The following NFIA variants were observed in gnomAD, a reference collection of about 807,000 sequenced individuals.
NFIA encodes nuclear factor 1 A-type.
NFIA carries 8 observed loss-of-function variants against 62.8 expected under a neutral mutation model. The observed-to-expected ratio is 0.13, with a 90% CI of 0.07 to 0.23. The LOEUF (loss-of-function observed/expected upper bound fraction) is 0.23. Among genes scored for constraint, NFIA ranks in the 10% least tolerant of loss-of-function variants. The pLI is 1.00. For missense variants in NFIA, 410 were observed against 642.1 expected (o/e 0.64, Z 3.91); for synonymous variants, 235 against 238.1 (o/e 0.99, Z 0.12).
rs147465845 is a variant in NFIA, at chr1:61,315,174, C to T, written c.626-17338C>T. Among the ~76,000 whole-genome samples, 501 of 152,284 alleles carry T rather than the reference C, an allele frequency of 3.3e-3. 3 individuals carry two copies. The highest frequency in any genetic ancestry group is 4.9e-3 in the Non-Finnish European group (335 of 68,026). ...AGAGAGCAGAATGCTATTGGCTTCA[C>T]CAGCTGTGGCCAGAAGGGCTCCATG... is the stretch of plus-strand genomic sequence containing the variant. On this transcript the variant is annotated intron_variant, in intron 3 of 10. Transcript: ENST00000403491.
upstream of NFIA, among the ~76,000 whole-genome samples, chr1:61,081,289 G>T (rs1264383218): frequency 6.6e-6 from 1 of 151,438 alleles, no homozygotes; most frequent in Non-Finnish European, 1.5e-5. Flanking sequence ...AGGCTTACTG[G>T]CAACTTGCCA....
At chr1:61,324,722 A>T (rs774336184) in intron 3 of NFIA, among the ~76,000 whole-genome samples, 4 of 152,192 alleles carry the variant, frequency 2.6e-5, no homozygotes, top group Non-Finnish European at 4.4e-5. Flanking sequence ...AGGCGGATAG[A>T]TGTTCAGTTC....
At chr1:61,204,110 A>G (rs1288109219) in intron 2 of NFIA, among the ~76,000 whole-genome samples, 2 of 152,202 alleles carry the variant, frequency 1.3e-5, no homozygotes, top group African/African-American at 4.8e-5. Context: ...GAAATGGTGA[A>G]CTGGACGGGG....
At chr1:61,292,214 A>G (rs1658931042) in intron 3 of NFIA, among the ~76,000 whole-genome samples, 1 of 152,172 alleles carries the variant, frequency 6.6e-6, no homozygotes, top group East Asian at 1.9e-4. Flanking sequence ...TTCTTTGGAC[A>G]CCGCAAATTT....
chr1:61,309,479 A>AAAC (rs557005640), intron 3 of NFIA, among the ~76,000 whole-genome samples: 7,945 of 117,748 alleles, frequency 0.067, 225 homozygotes, highest in African/African-American at 0.12. Context: ...ACAGTGAGAA[A>AAAC]AACAACAACA....
At chr1:61,254,846 A>G (rs1209667551) in intron 2 of NFIA, among the ~76,000 whole-genome samples, 2 of 152,214 alleles carry the variant, frequency 1.3e-5, no homozygotes, top group Non-Finnish European at 2.9e-5. Flanking sequence ...TGTTGATTTA[A>G]AAGACAGTCT....
intron 3 of NFIA, among the ~76,000 whole-genome samples, chr1:61,278,812 T>G (rs1657968780): frequency 6.6e-6 from 1 of 152,058 alleles, no homozygotes; most frequent in Admixed American, 6.6e-5. Flanking sequence ...CGGCGGAAGC[T>G]CAGGCTGTGA....
At position 61,406,542 on chromosome 1, in the gene NFIA, T is replaced by TTGGGGGGGC; in HGVS notation, c.1255-20_1255-19insTGGGGGGGC. The TTGGGGGGGC allele has an allele frequency of 1.6e-6, 2 of 1,253,830 alleles. No homozygotes were observed. Among genetic ancestry groups the TTGGGGGGGC allele is most frequent in the Non-Finnish European group, 2.1e-6 (2 of 931,744 alleles). The allele number at this position is 1,253,830 out of a possible 1,614,324, so 77.7% of individuals were successfully genotyped here. A position where few individuals can be genotyped will look rare whatever the true frequency, so the allele number is the denominator to read the frequency against. Reference sequence around the variant, plus strand: ...TTCTTTTTCTTGTACGTGTGTTTTCTGCCCCCCCCCCCCCCACAGCCCAAT... The same window carrying TTGGGGGGGC: ...TTCTTTTTCTTGTACGTGTGTTTTCTTGGGGGGGCGCCCCCCCCCCCCCCACAGCCCAAT... On this transcript the variant is annotated intron_variant, in intron 8 of 10. Coordinates refer to ENST00000403491, the MANE Select transcript of NFIA (RefSeq NM_001134673.4).
At position 61,082,637 on chromosome 1, in the gene NFIA, C is replaced by T. The variant is rs1438690246; in HGVS notation, c.-155C>T. ...AGTTGAGCCGACTTGGAAATGTGAA[C>T]GCAAGAAGCAGGCTTGATTTTTTTT... On this transcript the variant is annotated 5_prime_UTR_variant, in exon 1 of 11. In the 5' UTR this introduces an upstream ATG that the reference lacks. Transcript: ENST00000403491. 31 of 1,513,606 alleles carry T rather than the reference C, an allele frequency of 2.0e-5. No individual in the cohort carries two copies. Among genetic ancestry groups the T allele is most frequent in the Non-Finnish European group, 2.8e-5 (31 of 1,125,758 alleles). The allele number at this position is 1,513,606 out of a possible 1,614,324, so 93.8% of individuals were successfully genotyped here.
At chr1:61,234,468 G>A (rs1654869163) in intron 2 of NFIA, among the ~76,000 whole-genome samples, 1 of 151,432 alleles carries the variant, frequency 6.6e-6, no homozygotes, top group South Asian at 2.1e-4. Flanking sequence ...GCGGGTATAC[G>A]TCTGCCTCCT....
At chr1:61,252,384 T>C (rs1656100925) in intron 2 of NFIA, among the ~76,000 whole-genome samples, 1 of 152,208 alleles carries the variant, frequency 6.6e-6, no homozygotes, top group Non-Finnish European at 1.5e-5. Context: ...ATCACCATTG[T>C]GTAATTTAAT....
At chr1:61,267,861 T>C (rs1657268575) in intron 2 of NFIA, among the ~76,000 whole-genome samples, 1 of 152,196 alleles carries the variant, frequency 6.6e-6, no homozygotes, top group Non-Finnish European at 1.5e-5. Context: ...GGACCTTGCC[T>C]TTTTTCATTT....
intron 3 of NFIA, among the ~76,000 whole-genome samples, chr1:61,310,220 A>G (rs1660025731): frequency 6.6e-6 from 1 of 152,160 alleles, no homozygotes; most frequent in African/African-American, 2.4e-5. Flanking sequence ...TGTGATATCA[A>G]ACTTTAACAA....
rs1010916450 is a variant in NFIA at position 61,260,949 on chromosome 1, A to G, written c.560-16571A>G. Among the ~76,000 whole-genome samples the G allele has an allele frequency of 5.9e-5, 9 of 152,204 alleles. No homozygotes were observed. In the East Asian group the frequency reaches 1.2e-3, roughly 20 times the overall value. On this transcript the variant is annotated intron_variant, in intron 2 of 10. Coordinates refer to ENST00000403491, the MANE Select transcript of NFIA (RefSeq NM_001134673.4). ...TTGTAATATTGTAATCAGTATATCT[A>G]TGACACAATTTCTAAAGTTATTTAG...
chr1:61,337,059 T>G (rs184362171), intron 4 of NFIA, among the ~76,000 whole-genome samples: 2 of 152,238 alleles, frequency 1.3e-5, no homozygotes, highest in Non-Finnish European at 2.9e-5. Context: ...CTCATGTGGA[T>G]TCACTGAAAT....
At chr1:61,119,870 C>G (rs929233648) in intron 2 of NFIA, among the ~76,000 whole-genome samples, 1 of 152,136 alleles carries the variant, frequency 6.6e-6, no homozygotes, top group East Asian at 1.9e-4. Flanking sequence ...TTTTAACAGC[C>G]TTGCCTCTGT....
intron 7 of NFIA, among the ~76,000 whole-genome samples, chr1:61,393,340 C>T (rs12029796): frequency 0.23 from 22,037 of 97,270 alleles, 3,141 homozygotes; most frequent in East Asian, 0.52. Flanking sequence ...CAACCCCACC[C>T]GCACCCAGGT....
At chr1:61,439,261 C>T (rs1267234330) in intron 10 of NFIA, among the ~76,000 whole-genome samples, 2 of 152,114 alleles carry the variant, frequency 1.3e-5, no homozygotes, top group Non-Finnish European at 2.9e-5. Context: ...GCCAGAGTGG[C>T]TGGTACAGTA....
intron 2 of NFIA, among the ~76,000 whole-genome samples, chr1:61,167,673 A>G (rs1649677731): frequency 6.6e-6 from 1 of 152,234 alleles, no homozygotes; most frequent in African/African-American, 2.4e-5. Flanking sequence ...GGATCTCAGT[A>G]GAAGGGACAA....
Sources: gnomAD v4.1 joint callset for allele counts (sites outside exome capture counted in the v4.1 genomes callset) on GRCh38, gnomAD v4.1.1 for gene constraint, MANE v1.5 for transcripts, NCBI Gene and HGNC (gene_info 2026-07-23, HGNC 2026-07-21) for gene names.